The following BTC variants were observed in gnomAD, a reference collection of about 807,000 sequenced individuals.
The protein encoded by BTC is betacellulin.
In BTC, 13 loss-of-function variants were observed where a neutral mutation model predicts 18.1. The observed-to-expected ratio is 0.72, with a 90% CI of 0.47 to 1.14. The LOEUF (loss-of-function observed/expected upper bound fraction) is 1.14, where lower values mean the gene tolerates loss of function less well. BTC is among the 50% of genes most tolerant of loss of function. BTC has a pLI of 0.00. For missense variants in BTC, 247 were observed against 224.2 expected (o/e 1.10, Z -0.65); for synonymous variants, 83 against 79.4 (o/e 1.05, Z -0.24).
chr4:74,789,129 T>C (rs1377151208), intron 1 of BTC, among the ~76,000 whole-genome samples: 1 of 152,210 alleles, frequency 6.6e-6, no homozygotes, highest in African/African-American at 2.4e-5. Flanking sequence ...GCACCTACTA[T>C]ACATAGGAAC....
At chr4:74,762,587 G>C (rs1391437549) in intron 2 of BTC, among the ~76,000 whole-genome samples, 1 of 151,894 alleles carries the variant, frequency 6.6e-6, no homozygotes, top group African/African-American at 2.4e-5. Context: ...AGGAAAGGAG[G>C]GCTGAAGGAA....
chr4:74,758,050 A>G (rs1553956946), intron 2 of BTC, among the ~76,000 whole-genome samples: 1 of 152,230 alleles, frequency 6.6e-6, no homozygotes, highest in African/African-American at 2.4e-5. Flanking sequence ...ACCTAATCAA[A>G]GAGAAATGTA....
chr4:74,744,877 T>C lies in BTC; in HGVS notation c.*1800A>G, dbSNP rs1560705393. Reference sequence around the variant, plus strand: ...CATTTTGAAAAGATATAAAAATCTTTGAAATTCTTTCTTGATATCAGATCT... The same window carrying C: ...CATTTTGAAAAGATATAAAAATCTTCGAAATTCTTTCTTGATATCAGATCT... On this transcript the variant is annotated 3_prime_UTR_variant, in exon 6 of 6. Transcript: ENST00000395743. 6.6e-6 allele frequency: 1 copy of C among 152,230 alleles called. No homozygotes were observed. Among genetic ancestry groups the C allele is most frequent in the Non-Finnish European group, 1.5e-5 (1 of 68,034 alleles). 9.4% of individuals were successfully genotyped at this position (152,230 alleles called of 1,614,324 possible). A position where few individuals can be genotyped will look rare whatever the true frequency, so the allele number is the denominator to read the frequency against.
intron 1 of BTC, among the ~76,000 whole-genome samples, chr4:74,789,865 C>T (rs1725575128): frequency 6.6e-6 from 1 of 152,126 alleles, no homozygotes; most frequent in South Asian, 2.1e-4. Context: ...TTATTTTACT[C>T]TGCTAGTGCA....
At chr4:74,783,978 AT>A (rs1725407556) in intron 1 of BTC, among the ~76,000 whole-genome samples, 1 of 151,878 alleles carries the variant, frequency 6.6e-6, no homozygotes, top group Non-Finnish European at 1.5e-5. Flanking sequence ...CACTCCTGTA[AT>A]CCCTGCACTT....
chr4:74,794,080 A>G (rs1021637839), intron 1 of BTC, among the ~76,000 whole-genome samples, 182 bp downstream of exon 1: 10 of 152,118 alleles, frequency 6.6e-5, no homozygotes, highest in African/African-American at 2.4e-4. Flanking sequence ...GTGCAGCCCC[A>G]GGTGCCCAAT....
chr4:74,782,379 T>C (rs1038886469), intron 1 of BTC, among the ~76,000 whole-genome samples: 3 of 152,198 alleles, frequency 2.0e-5, no homozygotes, highest in African/African-American at 7.2e-5. Context: ...CCTGCATTAG[T>C]TTGCTGAAGA....
chr4:74,771,281 G>A (rs1346501011), intron 1 of BTC, among the ~76,000 whole-genome samples: 1 of 152,146 alleles, frequency 6.6e-6, no homozygotes, highest in East Asian at 1.9e-4. Flanking sequence ...CACTTAACAC[G>A]GTGCTGGTAG....
chr4:74,760,194 T>C (rs1398030326), intron 2 of BTC, among the ~76,000 whole-genome samples: 3 of 152,236 alleles, frequency 2.0e-5, no homozygotes, highest in South Asian at 2.1e-4. Context: ...CCTATTACAA[T>C]GGTTATAGCC....
At chr4:74,774,966 G>T (rs1293275921) in intron 1 of BTC, among the ~76,000 whole-genome samples, 1 of 152,084 alleles carries the variant, frequency 6.6e-6, no homozygotes, top group Non-Finnish European at 1.5e-5. Context: ...AAATATGAAA[G>T]ACCTGGTGAC....
At chr4:74,767,696 G>C (rs1724936357) in intron 2 of BTC, among the ~76,000 whole-genome samples, 1 of 151,986 alleles carries the variant, frequency 6.6e-6, no homozygotes, top group African/African-American at 2.4e-5. Context: ...CTGGCATAAA[G>C]ACCAATAGAA....
intron 1 of BTC, among the ~76,000 whole-genome samples, chr4:74,790,352 T>G (rs924914429): frequency 2.6e-5 from 4 of 152,340 alleles, no homozygotes. Context: ...GTAATTGCAT[T>G]GGTCCTATTA....
chr4:74,769,618 G>A (rs540299332), intron 2 of BTC, among the ~76,000 whole-genome samples: 3 of 152,206 alleles, frequency 2.0e-5, no homozygotes, highest in South Asian at 4.1e-4. Flanking sequence ...TAAAATCCTT[G>A]CCTTCTTCCC....
chr4:74,786,007 TG>T (rs1314673116), intron 1 of BTC, among the ~76,000 whole-genome samples: 1 of 152,172 alleles, frequency 6.6e-6, no homozygotes, highest in African/African-American at 2.4e-5. Context: ...AATGAGATAA[TG>T]GGTATTAAAA....
chr4:74,775,106 A>C (rs1466967522), intron 1 of BTC, among the ~76,000 whole-genome samples: 1 of 152,170 alleles, frequency 6.6e-6, no homozygotes, highest in East Asian at 1.9e-4. Flanking sequence ...AGAGGAATTC[A>C]GTTTGGGTCA....
intron 3 of BTC, among the ~76,000 whole-genome samples, chr4:74,754,938 A>AACACACACACACACACACACAC (rs33972204): frequency 2.0e-5 from 3 of 149,902 alleles, no homozygotes; most frequent in Admixed American, 2.0e-4. Flanking sequence ...TATCCCTCTC[A>AACACACACACACACACACACAC]ACACACACAC....
chr4:74,746,983 C>T (rs782585740), intron 5 of BTC, among the ~76,000 whole-genome samples: 4 of 152,088 alleles, frequency 2.6e-5, no homozygotes, highest in Non-Finnish European at 5.9e-5. Context: ...GAGGAACTGA[C>T]CAAGGATGAA....
intron 1 of BTC, among the ~76,000 whole-genome samples, chr4:74,789,984 AT>A (rs1223559138): frequency 6.6e-6 from 1 of 151,754 alleles, no homozygotes; most frequent in Non-Finnish European, 1.5e-5. Flanking sequence ...AGAGGCATTT[AT>A]TTTTTCAAAA....
chr4:74,781,436 CT>C (rs1188847918), intron 1 of BTC, among the ~76,000 whole-genome samples: 2 of 148,238 alleles, frequency 1.3e-5, no homozygotes, highest in Admixed American at 1.3e-4. Context: ...TACCAACAAT[CT>C]CTTATCCCTT....
Sources: gnomAD v4.1 joint callset for allele counts (sites outside exome capture counted in the v4.1 genomes callset) on GRCh38, gnomAD v4.1.1 for gene constraint, MANE v1.5 for transcripts, NCBI Gene and HGNC (gene_info 2026-07-23, HGNC 2026-07-21) for gene names.